Variants in ASMTL observed in about 807,000 individuals in gnomAD.
ASMTL encodes the protein acetylserotonin O-methyltransferase like.
A neutral mutation model predicts 60.3 loss-of-function variants in ASMTL; 57 were observed. That is an observed-to-expected ratio of 0.95 (90% CI 0.76 to 1.18). The LOEUF is 1.18. Among genes scored for constraint, ASMTL ranks in the 50% most tolerant of loss-of-function variants. The pLI is 0.00. For synonymous variants in ASMTL, 419 were observed against 373.0 expected (o/e 1.12, Z -1.42); for missense variants, 981 against 852.6 (o/e 1.15, Z -1.88).
chrX:1,439,795 A>G (rs28619452), intron 2 of ASMTL, among the ~76,000 whole-genome samples: 2 of 149,914 alleles, frequency 1.3e-5, no homozygotes, highest in Admixed American at 1.3e-4. Context: ...AAGGTTGCGC[A>G]CCTGCACTCC....
In ASMTL at chrX:1,437,452, T is replaced by C. The variant is rs573092916; in HGVS notation, c.273+1645A>G. Among the ~76,000 whole-genome samples the C allele has an allele frequency of 3.9e-4, 59 of 151,114 alleles. No homozygotes were observed. In the South Asian group the frequency reaches 5.9e-3, roughly 15 times the overall value. ...GGCAGGGCTGGTTCCTCCTGAGGCC[T>C]CTCTCCTGGGCTTGGAGACGCCGTC... On this transcript the variant is annotated intron_variant, in intron 3 of 12. Transcript: ENST00000381317.
chrX:1,425,615 T>C lies in ASMTL; in HGVS notation c.970A>G (p.Ile324Val). Reference sequence around the variant, plus strand: ...GCAGAGGCGTCCACTTTGCTGGCAATATCCGCAGCCTTCTGGGGTGCTTCA... The same window carrying C: ...GCAGAGGCGTCCACTTTGCTGGCAACATCCGCAGCCTTCTGGGGTGCTTCA... ...KDEAPQKAAD[I>V]ASKVDASACG... The change falls in exon 8 of 13, where the codon ATT becomes GTT. Residue 324 changes from isoleucine to valine, a missense_variant. Coordinates refer to ENST00000381317, the MANE Select transcript of ASMTL (RefSeq NM_004192.4). 4 of 1,613,840 alleles carry C rather than the reference T, an allele frequency of 2.5e-6. No individual in the cohort carries two copies. The South Asian group carries it at 4.4e-5, about 18-fold the overall frequency.
Position 1,427,723 on chromosome X carries a change from G to A in ASMTL, c.897+11C>T. ...TTGTGAAATGTGGCCTGAGGAGACA[G>A]ACACAGGTACCTTGGATAGCATAAA... is the stretch of plus-strand genomic sequence containing the variant. On this transcript the variant is annotated intron_variant, in intron 7 of 12. Coordinates refer to ENST00000381317, the MANE Select transcript of ASMTL (RefSeq NM_004192.4). The A allele has an allele frequency of 2.5e-6, 4 of 1,593,326 alleles. No individual in the cohort carries two copies. The highest frequency in any genetic ancestry group is 3.4e-6 in the Non-Finnish European group (4 of 1,165,734).
chrX:1,439,455 G>A (rs1317345991), intron 2 of ASMTL, among the ~76,000 whole-genome samples: 6 of 152,198 alleles, frequency 3.9e-5, no homozygotes, highest in African/African-American at 7.2e-5. Context: ...TTGTTCTTCC[G>A]GGCGGCAGGT....
At chrX:1,439,395 G>A (rs1465726600) in intron 2 of ASMTL, among the ~76,000 whole-genome samples, 6 of 152,226 alleles carry the variant, frequency 3.9e-5, no homozygotes, top group Non-Finnish European at 5.9e-5. Context: ...AGGCACTCAC[G>A]GAGCATCTCA....
chrX:1,439,235 C>T (rs1395359371), intron 2 of ASMTL, 91 bp from the exon 3 acceptor site: 3 of 1,405,870 alleles, frequency 2.1e-6, no homozygotes, highest in Admixed American at 3.6e-5. Flanking sequence ...AAGAGCACCG[C>T]AGGGGCGAAG....
intron 6 of ASMTL, among the ~76,000 whole-genome samples, chrX:1,431,355 T>A (rs57506581): frequency 0.59 from 78,214 of 131,516 alleles, 23,567 homozygotes; most frequent in South Asian, 0.75. Flanking sequence ...ATATAAATTA[T>A]ATAATTTATA....
chrX:1,418,492 T>C (rs2090380850), intron 10 of ASMTL, among the ~76,000 whole-genome samples: 1 of 151,956 alleles, frequency 6.6e-6, no homozygotes, highest in Non-Finnish European at 1.5e-5. Flanking sequence ...CCCTTCTCCT[T>C]CCTGCCATGG....
chrX:1,434,709 C>A (rs2149330421), intron 5 of ASMTL, among the ~76,000 whole-genome samples: 1 of 149,662 alleles, frequency 6.7e-6, no homozygotes, highest in East Asian at 2.0e-4. Context: ...GCAGAAGGAT[C>A]ACTTGAACTT....
At chrX:1,442,923 C>A (rs1428863777) in intron 1 of ASMTL, among the ~76,000 whole-genome samples, 1 of 152,206 alleles carries the variant, frequency 6.6e-6, no homozygotes, top group African/African-American at 2.4e-5. Context: ...GGCTGCCACA[C>A]CCTGCCAGGG....
chrX:1,418,614 C>T (rs145476810), intron 10 of ASMTL, among the ~76,000 whole-genome samples: 3,500 of 152,122 alleles, frequency 0.023, 122 homozygotes, highest in African/African-American at 0.078. Flanking sequence ...TCCCAGGCCC[C>T]GATCCCCCAG....
At chrX:1,442,449 T>A (rs2091129300) in intron 1 of ASMTL, 132 bp from the exon 2 acceptor site, 2 of 1,032,344 alleles carry the variant, frequency 1.9e-6, no homozygotes, top group South Asian at 3.1e-5. Flanking sequence ...AGCTCATCCA[T>A]CCGCCAAGCT....
rs1244918097 is a variant in ASMTL at position 1,419,068 on chromosome X, G to A, written c.1292C>T (p.Ala431Val). 6.2e-7 allele frequency: 1 copy of A among 1,611,266 alleles called. No homozygotes were observed. Residue 431 changes from alanine to valine, a missense_variant, in exon 10 of 13, where the codon GCC becomes GTC. Coordinates refer to ENST00000381317, the MANE Select transcript of ASMTL (RefSeq NM_004192.4). ...SPETRLRFMRAMHGMTKLTAC... is the reference protein window; with the variant it reads ...SPETRLRFMRVMHGMTKLTAC... ...AGTCAGCTTCGTCATGCCGTGCATGGCCCGCATGAACCTCAGCCGCGTCTC... is the reference window on the plus strand; with the variant it reads ...AGTCAGCTTCGTCATGCCGTGCATGACCCGCATGAACCTCAGCCGCGTCTC...
At chrX:1,439,213 G>C in intron 2 of ASMTL, 69 bp from the exon 3 acceptor site, 1 of 1,546,242 alleles carries the variant, frequency 6.5e-7, no homozygotes, top group Non-Finnish European at 8.9e-7. Flanking sequence ...TTTCCCGTCG[G>C]TACGGGCGTG....
chrX:1,416,016 CACACACACGG>C (rs2090234941), intron 11 of ASMTL, among the ~76,000 whole-genome samples: 1 of 147,030 alleles, frequency 6.8e-6, no homozygotes, highest in African/African-American at 2.5e-5. Context: ...CAGGCACACA[CACACACACGG>C]ACACAGATAC....
chrX:1,426,574 CG>C (rs1245448761), intron 7 of ASMTL, among the ~76,000 whole-genome samples: 3 of 152,144 alleles, frequency 2.0e-5, no homozygotes, highest in African/African-American at 7.2e-5. Context: ...GGCCTCAGGC[CG>C]GGCGCGCTGG....
At chrX:1,425,009 CCA>C in intron 8 of ASMTL, among the ~76,000 whole-genome samples, 2 of 39,246 alleles carry the variant, frequency 5.1e-5, no homozygotes, top group South Asian at 2.1e-3. Flanking sequence ...ATCCATCCAT[CCA>C]TCCATCCATC....
intron 1 of ASMTL, among the ~76,000 whole-genome samples, chrX:1,450,531 TC>T (rs1203047660): frequency 9.6e-6 from 1 of 104,498 alleles, no homozygotes; most frequent in Non-Finnish European, 1.9e-5. Context: ...CACACTCCCC[TC>T]CCCCATCACT....
chrX:1,417,789 C>T (rs752224730), intron 11 of ASMTL, 184 bp downstream of exon 11: 48 of 240,990 alleles, frequency 2.0e-4, no homozygotes, highest in African/African-American at 1.3e-3. Context: ...CCAGGGCATA[C>T]CACACACATG....
Sources: allele counts gnomAD v4.1 joint callset (sites outside exome capture counted in the v4.1 genomes callset), GRCh38; gene constraint gnomAD v4.1.1; transcripts MANE v1.5; gene names NCBI Gene and HGNC (gene_info 2026-07-23, HGNC 2026-07-21).